The following CBL variants were observed in gnomAD, a reference collection of about 807,000 sequenced individuals.
CBL encodes the protein E3 ubiquitin-protein ligase CBL.
Under a neutral mutation model 96.9 loss-of-function variants are expected in CBL, and 45 were observed. The ratio of observed to expected loss-of-function variants is 0.46; its 90% CI spans 0.37 to 0.60. The LOEUF (loss-of-function observed/expected upper bound fraction) is 0.60. Ranked by LOEUF, CBL falls within the 20% of genes least tolerant of loss-of-function variation. The pLI, the probability that CBL is intolerant of heterozygous loss-of-function variation, is 0.00. For synonymous variants in CBL, 420 were observed against 426.8 expected, an observed-to-expected ratio of 0.98 and a Z score of 0.20; for missense variants, 1,024 against 1,143.5, an observed-to-expected ratio of 0.90 and a Z score of 1.51.
chr11:119,287,517 C>G (rs1003768851), intron 11 of CBL, among the ~76,000 whole-genome samples: 2 of 152,180 alleles, frequency 1.3e-5, no homozygotes, highest in Non-Finnish European at 2.9e-5. Flanking sequence ...TTTCTGGCAG[C>G]ATCAGTATAG....
Position 119,306,019 on chromosome 11 carries a change from A to G in CBL, c.*6238A>G. On this transcript the variant is annotated 3_prime_UTR_variant, in exon 16 of 16. Coordinates refer to ENST00000264033, the MANE Select transcript of CBL (RefSeq NM_005188.4). ...TAAGCAGCAGAGGGACAGCAGTGCC[A>G]TGTGCCTTCACTGTGTCCCAGGAAA... 5.6e-6 allele frequency: 2 copies of G among 354,182 alleles called. No homozygotes were observed. The highest frequency in any genetic ancestry group is 4.0e-5 in the East Asian group (1 of 24,694). 21.9% of individuals were successfully genotyped at this position (354,182 alleles called of 1,614,324 possible). A position where few individuals can be genotyped will look rare whatever the true frequency, so the allele number is the denominator to read the frequency against.
At chr11:119,267,731 ATAG>A (rs1949814562) in intron 2 of CBL, among the ~76,000 whole-genome samples, 1 of 152,220 alleles carries the variant, frequency 6.6e-6, no homozygotes, top group Non-Finnish European at 1.5e-5. Context: ...AGCCTAGCAC[ATAG>A]TAGGCACTCA....
chr11:119,250,141 G>T (rs1020275887), intron 2 of CBL, among the ~76,000 whole-genome samples: 3 of 152,114 alleles, frequency 2.0e-5, no homozygotes, highest in Non-Finnish European at 4.4e-5. Context: ...ATACTCCTAA[G>T]CTGTGTTCTG....
In CBL at chr11:119,272,984, T is replaced by A. The variant is rs5795174; in HGVS notation, c.591-884T>A. Among the ~76,000 whole-genome samples, 313 of 80,838 alleles carry A rather than the reference T, an allele frequency of 3.9e-3. 1 individual carries two copies. Among genetic ancestry groups the A allele is most frequent in the East Asian group, 0.018 (25 of 1,396 alleles). The allele number at this position is 80,838 out of a possible 152,430, so 53.0% of individuals were successfully genotyped here. A position where few individuals can be genotyped will look rare whatever the true frequency, so the allele number is the denominator to read the frequency against. ...TATCCTAGGTTTTGTCGTTTTATTTTTTTTTTTTTTTGAGACAGGATGTCA... is the reference window on the plus strand; with the variant it reads ...TATCCTAGGTTTTGTCGTTTTATTTATTTTTTTTTTTGAGACAGGATGTCA... On this transcript the variant is annotated intron_variant, in intron 3 of 15. Transcript: ENST00000264033.
At chr11:119,291,737 A>C (rs1379760118) in intron 12 of CBL, among the ~76,000 whole-genome samples, 1 of 152,184 alleles carries the variant, frequency 6.6e-6, no homozygotes, top group African/African-American at 2.4e-5. Context: ...TTTTAAAAAA[A>C]TGATAATGCT....
chr11:119,227,697 T>C (rs1382063801), intron 1 of CBL, among the ~76,000 whole-genome samples: 1 of 152,074 alleles, frequency 6.6e-6, no homozygotes, highest in African/African-American at 2.4e-5. Flanking sequence ...ATTACAGGCA[T>C]GGGCCACCAC....
chr11:119,210,498 C>G (rs998219571), intron 1 of CBL, among the ~76,000 whole-genome samples: 1 of 151,920 alleles, frequency 6.6e-6, no homozygotes, highest in Non-Finnish European at 1.5e-5. Flanking sequence ...GGCATGATCT[C>G]GGCTCATTGT....
intron 1 of CBL, among the ~76,000 whole-genome samples, chr11:119,223,402 ATTATG>A (rs745476259): frequency 2.4e-3 from 361 of 148,878 alleles, no homozygotes; most frequent in African/African-American, 7.1e-3. Context: ...TTTATTTTGA[ATTATG>A]TTATGTTATG....
intron 12 of CBL, among the ~76,000 whole-genome samples, 166 bp from the exon 13 acceptor site, chr11:119,296,752 C>T (rs1950064739): frequency 6.6e-6 from 1 of 152,176 alleles, no homozygotes; most frequent in African/African-American, 2.4e-5. Flanking sequence ...AGTTAGTGTA[C>T]TTTTGCTAAT....
At chr11:119,210,648 C>T (rs1436162933) in intron 1 of CBL, among the ~76,000 whole-genome samples, 1 of 139,770 alleles carries the variant, frequency 7.2e-6, no homozygotes, top group Admixed American at 7.2e-5. Flanking sequence ...GGATTTTCAC[C>T]ATGTTGGCCA....
chr11:119,254,799 G>A (rs1949698096), intron 2 of CBL, among the ~76,000 whole-genome samples: 1 of 151,956 alleles, frequency 6.6e-6, no homozygotes, highest in Admixed American at 6.6e-5. Flanking sequence ...ACGGGGTTTT[G>A]CCATGTTGGC....
chr11:119,278,446 C>T (rs1212744296), intron 8 of CBL, 64 bp from the exon 9 acceptor site: 6 of 1,549,954 alleles, frequency 3.9e-6, no homozygotes, highest in Admixed American at 1.7e-5. Context: ...AATGTATTTT[C>T]TAGTAGATTA....
intron 2 of CBL, among the ~76,000 whole-genome samples, chr11:119,233,261 A>T (rs975752936): frequency 6.6e-6 from 1 of 151,972 alleles, no homozygotes; most frequent in African/African-American, 2.4e-5. Context: ...TTTTATTATT[A>T]TTTTTTTGAG....
Position 119,296,947 on chromosome 11 carries a change from G to C in CBL, c.2066G>C (p.Gly689Ala). 6.2e-7 allele frequency: 1 copy of C among 1,610,320 alleles called. No homozygotes were observed. The highest frequency in any genetic ancestry group is 8.5e-7 in the Non-Finnish European group (1 of 1,176,688). The change falls in exon 13 of 16, where the codon GGG (glycine) becomes GCG (alanine). Residue 689 changes from glycine (G) to alanine (A), a missense_variant. Around this residue, in one of 4 missense-constraint regions of CBL, gnomAD observed 695 missense variants for 661.6 expected, o/e 1.05. Transcript: ENST00000264033. Reference sequence around the variant, plus strand: ...CTTCCTGTGCCAAAACTGCCACCTGGGGAGCAATGTGAGGGTGAAGAGGAC... The same window carrying C: ...CTTCCTGTGCCAAAACTGCCACCTGCGGAGCAATGTGAGGGTGAAGAGGAC... ...RPLPVPKLPP[G>A]EQCEGEEDTE...
At chr11:119,233,400 AT>A (rs1226965402) in intron 2 of CBL, among the ~76,000 whole-genome samples, 2 of 151,988 alleles carry the variant, frequency 1.3e-5, no homozygotes, top group Non-Finnish European at 2.9e-5. Flanking sequence ...TGCCTGATTA[AT>A]TTTTGTGTTT....
In CBL at chr11:119,261,069, C is replaced by T. The variant is rs143856571; in HGVS notation, c.444-10666C>T. 6.8e-3 allele frequency among the ~76,000 whole-genome samples: 1,033 copies of T among 151,220 alleles called. 8 individuals carry two copies. The highest frequency in any genetic ancestry group is 0.012 in the Non-Finnish European group (826 of 67,842). On this transcript the variant is annotated intron_variant, in intron 2 of 15. Coordinates refer to ENST00000264033, the MANE Select transcript of CBL (RefSeq NM_005188.4). ...CTGGGATTACAGGTGTGCGCCACCA[C>T]GCCTGGCTAATTTTTTGTATTTTTA...
rs1950105879 is a variant in CBL at position 119,302,062 on chromosome 11, G to A, written c.*2281G>A. ...TCTCTGGAGATTATCTCCCTACTGT[G>A]TAGGTTAAGGGCAGTCTCGACTTTT... On this transcript the variant is annotated 3_prime_UTR_variant, in exon 16 of 16. Coordinates refer to ENST00000264033, the MANE Select transcript of CBL (RefSeq NM_005188.4). 1 of 233,082 alleles carries A rather than the reference G, an allele frequency of 4.3e-6. No homozygotes were observed. The highest frequency in any genetic ancestry group is 8.5e-6 in the Non-Finnish European group (1 of 117,938). 14.4% of individuals were successfully genotyped at this position (233,082 alleles called of 1,614,324 possible).
chr11:119,262,831 C>T (rs2135288885), intron 2 of CBL, among the ~76,000 whole-genome samples: 1 of 152,166 alleles, frequency 6.6e-6, no homozygotes, highest in South Asian at 2.1e-4. Flanking sequence ...GAGAGTCCTC[C>T]CCAAGGAGGC....
intron 8 of CBL, 76 bp from the exon 9 acceptor site, chr11:119,278,434 G>T (rs766134458): frequency 5.1e-5 from 78 of 1,528,854 alleles, no homozygotes; most frequent in Non-Finnish European, 6.0e-5. Context: ...TGATCTCTAG[G>T]AAATGTATTT....
Sources: gnomAD v4.1 joint callset for allele counts (sites outside exome capture counted in the v4.1 genomes callset) on GRCh38, gnomAD v4.1.1 for gene constraint, gnomAD v4.1.1 regional missense constraint, MANE v1.5 for transcripts, NCBI Gene and HGNC (gene_info 2026-07-23, HGNC 2026-07-21) for gene names.